PCMTD1: variants seen among roughly 807,000 people sequenced by gnomAD.
PCMTD1 encodes protein-L-isoaspartate (D-aspartate) O-methyltransferase domain containing 1.
A neutral mutation model predicts 37.6 loss-of-function variants in PCMTD1; 12 were observed. The ratio of observed to expected loss-of-function variants is 0.32; its 90% confidence interval spans 0.20 to 0.52. The LOEUF (loss-of-function observed/expected upper bound fraction) is 0.52, where lower values mean the gene tolerates loss of function less well. Ranked by LOEUF, PCMTD1 falls within the 20% of genes least tolerant of loss-of-function variation. PCMTD1 has a pLI of 0.97. For synonymous variants in PCMTD1, 117 were observed against 135.8 expected (o/e 0.86, Z 0.96); for missense variants, 235 against 421.3 (o/e 0.56, Z 3.87).
chr8:51,865,982 A>C (rs899663390), intron 1 of PCMTD1, among the ~76,000 whole-genome samples: 1 of 152,008 alleles, frequency 6.6e-6, no homozygotes, highest in Non-Finnish European at 1.5e-5. Flanking sequence ...GTACAAAATC[A>C]ACACATAAAA....
chr8:51,885,262 G>A (rs946416024), intron 1 of PCMTD1, among the ~76,000 whole-genome samples: 5 of 152,094 alleles, frequency 3.3e-5, no homozygotes, highest in African/African-American at 1.2e-4. Context: ...AAGTATTGGG[G>A]GGCGGGGAGG....
At chr8:51,843,504 TTCA>T (rs2038176010) in intron 3 of PCMTD1, among the ~76,000 whole-genome samples, 1 of 151,968 alleles carries the variant, frequency 6.6e-6, no homozygotes, top group South Asian at 2.1e-4. Context: ...TATTTTACGA[TTCA>T]TCATATTATG....
intron 1 of PCMTD1, among the ~76,000 whole-genome samples, chr8:51,861,728 T>A (rs1379762951): frequency 4.8e-5 from 7 of 146,116 alleles, no homozygotes; most frequent in Non-Finnish European, 9.0e-5. Context: ...TTTTTTTAAT[T>A]TTTTTTTTTT....
At chr8:51,852,139 A>G (rs776171914) in intron 2 of PCMTD1, among the ~76,000 whole-genome samples, 2 of 152,328 alleles carry the variant, frequency 1.3e-5, no homozygotes, top group Non-Finnish European at 2.9e-5. Flanking sequence ...CCACACTTTT[A>G]TTGCTAGTTC....
intron 2 of PCMTD1, among the ~76,000 whole-genome samples, chr8:51,850,396 T>A (rs969671309): frequency 6.6e-6 from 1 of 152,156 alleles, no homozygotes; most frequent in African/African-American, 2.4e-5. Flanking sequence ...GAATTTTTAA[T>A]TTTTAAAAGT....
chr8:51,898,200 T>C (rs1355189750), intron 1 of PCMTD1, among the ~76,000 whole-genome samples: 1 of 152,180 alleles, frequency 6.6e-6, no homozygotes, highest in African/African-American at 2.4e-5. Flanking sequence ...CTCTGGTTTC[T>C]CGATTCTAAA....
chr8:51,893,142 T>C (rs1195970737), intron 1 of PCMTD1, among the ~76,000 whole-genome samples: 2 of 152,166 alleles, frequency 1.3e-5, no homozygotes, highest in African/African-American at 4.8e-5. Context: ...TTTATAAGCA[T>C]GCATTTTAAC....
At chr8:51,883,422 T>C (rs1050407594) in intron 1 of PCMTD1, among the ~76,000 whole-genome samples, 4 of 152,110 alleles carry the variant, frequency 2.6e-5, no homozygotes, top group African/African-American at 9.7e-5. Flanking sequence ...AAAATGTATA[T>C]ATATGCATAT....
chr8:51,853,066 G>C (rs1249243454), intron 2 of PCMTD1, among the ~76,000 whole-genome samples: 1 of 152,206 alleles, frequency 6.6e-6, no homozygotes, highest in Non-Finnish European at 1.5e-5. Context: ...TTTGCATGTG[G>C]ATGTTACTTG....
chr8:51,827,815 T>A (rs867846151), intron 5 of PCMTD1, among the ~76,000 whole-genome samples: 3 of 151,242 alleles, frequency 2.0e-5, no homozygotes, highest in Non-Finnish European at 2.9e-5. Flanking sequence ...GGATTTTTTT[T>A]AATTTAGGCT....
At chr8:51,862,357 TAC>T (rs71237254) in intron 1 of PCMTD1, among the ~76,000 whole-genome samples, 5 of 151,554 alleles carry the variant, frequency 3.3e-5, no homozygotes, top group African/African-American at 1.2e-4. Flanking sequence ...TTTATACACA[TAC>T]ACACACACAC....
intron 1 of PCMTD1, among the ~76,000 whole-genome samples, chr8:51,884,765 A>G (rs967604239): frequency 2.6e-5 from 4 of 152,192 alleles, no homozygotes; most frequent in African/African-American, 4.8e-5. Context: ...ATGCCTCTCT[A>G]TGAACATCTT....
chr8:51,839,001 C>T (rs752809664), intron 3 of PCMTD1, among the ~76,000 whole-genome samples: 8 of 151,954 alleles, frequency 5.3e-5, no homozygotes, highest in East Asian at 1.9e-4. Flanking sequence ...GAATGGTTGG[C>T]GTGTTCCTTC....
intron 3 of PCMTD1, among the ~76,000 whole-genome samples, chr8:51,843,956 T>C (rs1284447563): frequency 2.0e-5 from 3 of 152,226 alleles, no homozygotes; most frequent in Admixed American, 6.5e-5. Flanking sequence ...AATACTTTTA[T>C]ATTTTCTAAA....
intron 2 of PCMTD1, among the ~76,000 whole-genome samples, chr8:51,852,647 G>A (rs866727111): frequency 2.6e-5 from 4 of 152,230 alleles, no homozygotes; most frequent in East Asian, 1.9e-4. Context: ...GGGAGGCAAC[G>A]AGGTAAAATA....
chr8:51,898,848 C>T, intron 1 of PCMTD1, 82 bp downstream of exon 1: 1 of 1,213,852 alleles, frequency 8.2e-7, no homozygotes, highest in Non-Finnish European at 1.0e-6. Flanking sequence ...GGCCTCCAAG[C>T]GCATCCCAGT....
chr8:51,821,107 A>G (rs968322123), intron 5 of PCMTD1, among the ~76,000 whole-genome samples: 1 of 152,216 alleles, frequency 6.6e-6, no homozygotes, highest in Non-Finnish European at 1.5e-5. Flanking sequence ...CTACTTATTC[A>G]TAACAACAGA....
At chr8:51,861,726 A>ATTTT (rs879603489) in intron 1 of PCMTD1, among the ~76,000 whole-genome samples, 1 of 137,028 alleles carries the variant, frequency 7.3e-6, no homozygotes, top group Admixed American at 7.5e-5. Flanking sequence ...TTTTTTTTTA[A>ATTTT]TTTTTTTTTT....
At chr8:51,857,956 C>G (rs561684134) in intron 2 of PCMTD1, among the ~76,000 whole-genome samples, 1 of 152,152 alleles carries the variant, frequency 6.6e-6, no homozygotes, top group East Asian at 1.9e-4. Context: ...CGTGTCACCA[C>G]GCTCCAGCCT....
Sources: gnomAD v4.1 joint callset for allele counts (sites outside exome capture counted in the v4.1 genomes callset) on GRCh38, gnomAD v4.1.1 for gene constraint, MANE v1.5 for transcripts, NCBI Gene and HGNC (gene_info 2026-07-23, HGNC 2026-07-21) for gene names.